Variants in MYO5A observed in about 807,000 individuals in gnomAD.
The protein encoded by MYO5A is myosin VA, also known as unconventional myosin-Va.
A neutral mutation model predicts 249.7 loss-of-function variants in MYO5A; 98 were observed. The ratio of observed to expected loss-of-function variants is 0.39; its 90% confidence interval spans 0.33 to 0.46. MYO5A has a LOEUF of 0.46. Among genes scored for constraint, MYO5A ranks in the 20% least tolerant of loss-of-function variants. The pLI, the probability that MYO5A is intolerant of heterozygous loss-of-function variation, is 0.98. For missense variants in MYO5A, 1,696 were observed against 2,308.8 expected, an observed-to-expected ratio of 0.73 and a Z score of 5.44; for synonymous variants, 778 against 810.6, an observed-to-expected ratio of 0.96 and a Z score of 0.68.
At chr15:52,486,263 C>T (rs527399906) in intron 1 of MYO5A, among the ~76,000 whole-genome samples, 3 of 152,302 alleles carry the variant, frequency 2.0e-5, no homozygotes, top group African/African-American at 4.8e-5. Context: ...CAAAGAGCCA[C>T]GTCCATTTTA....
Position 52,396,380 on chromosome 15 carries a change from A to G in MYO5A, c.1337T>C (p.Ile446Thr). ...TATGCAAAACTGTTCAAAACTATTTATCTCAAATGTTTCAAATCTGTAACC... is the reference window on the plus strand; with the variant it reads ...TATGCAAAACTGTTCAAAACTATTTGTCTCAAATGTTTCAAATCTGTAACC... ...LDIYGFETFE[I>T]NSFEQFCINY... The change falls in exon 11 of 42, where the codon ATA (isoleucine) becomes ACA (threonine). Residue 446 changes from isoleucine to threonine, a missense_variant. Ile to Thr is a moderately conservative substitution (Grantham distance 89, BLOSUM62 -1). Coordinates refer to ENST00000399233, the MANE Select transcript of MYO5A (RefSeq NM_001382347.1). 1 of 1,564,948 alleles carries G rather than the reference A, an allele frequency of 6.4e-7. No individual in the cohort carries two copies. Among genetic ancestry groups the G allele is most frequent in the Non-Finnish European group, 8.8e-7 (1 of 1,138,984 alleles).
intron 10 of MYO5A, 126 bp from the exon 11 acceptor site, chr15:52,396,523 A>G (rs542049337): frequency 4.7e-6 from 3 of 640,180 alleles, no homozygotes; most frequent in African/African-American, 3.7e-5. Flanking sequence ...CTTTCTTTCC[A>G]TATCAGTGAA....
At chr15:52,357,554 T>C (rs1323746260) in intron 25 of MYO5A, among the ~76,000 whole-genome samples, 1 of 151,656 alleles carries the variant, frequency 6.6e-6, no homozygotes, top group Non-Finnish European at 1.5e-5. Flanking sequence ...CAAAATTCTG[T>C]GGATAAGAAT....
intron 1 of MYO5A, among the ~76,000 whole-genome samples, chr15:52,483,301 C>T (rs1399645003): frequency 6.6e-6 from 1 of 152,210 alleles, no homozygotes. Context: ...GTCAGGGCCT[C>T]CCCTTGTCCA....
chr15:52,505,553 G>A (rs2077251119), intron 1 of MYO5A: 24 of 1,566,924 alleles, frequency 1.5e-5, no homozygotes, highest in South Asian at 2.2e-5. Flanking sequence ...AGGGAAGAAC[G>A]TCTTGCACAA....
intron 1 of MYO5A, among the ~76,000 whole-genome samples, chr15:52,481,614 G>T (rs2076716504): frequency 6.6e-6 from 1 of 152,198 alleles, no homozygotes; most frequent in Middle Eastern, 3.2e-3. Flanking sequence ...ACTTCCTAAA[G>T]GAGGGGGACA....
intron 29 of MYO5A, among the ~76,000 whole-genome samples, 177 bp downstream of exon 29, chr15:52,348,641 T>C (rs1366930951): frequency 6.6e-6 from 1 of 152,218 alleles, no homozygotes; most frequent in Non-Finnish European, 1.5e-5. Context: ...CTATAACCAC[T>C]GTTTCCCTAC....
chr15:52,397,728 C>T (rs1031201931), intron 9 of MYO5A, among the ~76,000 whole-genome samples: 6 of 152,170 alleles, frequency 3.9e-5, no homozygotes, highest in Non-Finnish European at 7.3e-5. Flanking sequence ...TTGTATCTCT[C>T]TTAAAGCATC....
At chr15:52,437,861 TAAC>T (rs1304776241) in intron 1 of MYO5A, among the ~76,000 whole-genome samples, 1 of 152,182 alleles carries the variant, frequency 6.6e-6, no homozygotes, top group Non-Finnish European at 1.5e-5. Flanking sequence ...GGCTAGATGT[TAAC>T]AACACTTACA....
intron 1 of MYO5A, among the ~76,000 whole-genome samples, chr15:52,514,027 T>C (rs1284599179): frequency 6.6e-6 from 1 of 152,218 alleles, no homozygotes; most frequent in Non-Finnish European, 1.5e-5. Context: ...GAGGGAGCAG[T>C]AGAAGAGGGG....
intron 34 of MYO5A, among the ~76,000 whole-genome samples, chr15:52,334,698 A>G (rs2039035697): frequency 6.6e-6 from 1 of 152,260 alleles, no homozygotes; most frequent in Admixed American, 6.5e-5. Context: ...ATTATGAGAT[A>G]GGTCAGACAC....
chr15:52,452,287 G>A (rs369938174), intron 1 of MYO5A, among the ~76,000 whole-genome samples: 4 of 152,124 alleles, frequency 2.6e-5, no homozygotes, highest in East Asian at 1.9e-4. Flanking sequence ...TATCAATGAC[G>A]CAGCTCCACC....
At chr15:52,508,974 T>G (rs1016982232) in intron 1 of MYO5A, among the ~76,000 whole-genome samples, 1 of 150,244 alleles carries the variant, frequency 6.7e-6, no homozygotes, top group Non-Finnish European at 1.5e-5. Flanking sequence ...ACTTTTTTTG[T>G]AATTTTTTTT....
intron 38 of MYO5A, among the ~76,000 whole-genome samples, chr15:52,320,338 C>A (rs756144571): frequency 6.6e-6 from 1 of 152,180 alleles, no homozygotes; most frequent in Non-Finnish European, 1.5e-5. Flanking sequence ...TCCCTAGAAC[C>A]GGCATGTTTG....
chr15:52,383,251 CA>C, intron 15 of MYO5A, 63 bp from the exon 16 acceptor site: 3 of 1,345,940 alleles, frequency 2.2e-6, no homozygotes, highest in Non-Finnish European at 3.2e-6. Flanking sequence ...TGAGGTAAAA[CA>C]ATGGGAAATT....
chr15:52,486,820 C>A (rs1464613755), intron 1 of MYO5A, among the ~76,000 whole-genome samples: 1 of 152,168 alleles, frequency 6.6e-6, no homozygotes, highest in Non-Finnish European at 1.5e-5. Flanking sequence ...ATCATGCCCA[C>A]TGGAATCATC....
At chr15:52,347,900 G>A (rs935122482) in intron 29 of MYO5A, among the ~76,000 whole-genome samples, 1 of 151,914 alleles carries the variant, frequency 6.6e-6, no homozygotes, top group Non-Finnish European at 1.5e-5. Flanking sequence ...GTTTTATAAA[G>A]GGCCATACTC....
intron 29 of MYO5A, among the ~76,000 whole-genome samples, chr15:52,348,226 A>C (rs1468556177): frequency 6.6e-6 from 1 of 152,222 alleles, no homozygotes; most frequent in Non-Finnish European, 1.5e-5. Context: ...TGTCTCTCTT[A>C]AGCCTGTGAC....
At chr15:52,447,758 A>G (rs1336437825) in intron 1 of MYO5A, among the ~76,000 whole-genome samples, 2 of 152,248 alleles carry the variant, frequency 1.3e-5, no homozygotes, top group African/African-American at 4.8e-5. Flanking sequence ...CACTCATGCT[A>G]TGCTTTAGGA....
Sources: allele counts gnomAD v4.1 joint callset (sites outside exome capture counted in the v4.1 genomes callset), GRCh38; gene constraint gnomAD v4.1.1; transcripts MANE v1.5; gene names NCBI Gene and HGNC (gene_info 2026-07-23, HGNC 2026-07-21).